The following GRM7 variants were observed in gnomAD, a reference collection of about 807,000 sequenced individuals.
GRM7 encodes the protein metabotropic glutamate receptor 7.
In GRM7, 35 loss-of-function variants were observed where a neutral mutation model predicts 84.5. The ratio of observed to expected loss-of-function variants is 0.41; its 90% CI spans 0.32 to 0.55. The LOEUF (loss-of-function observed/expected upper bound fraction) is 0.55. Among genes scored for constraint, GRM7 ranks in the 20% least tolerant of loss-of-function variants. The pLI is 0.19. For missense variants in GRM7, 1,003 were observed against 1,194.6 expected, an observed-to-expected ratio of 0.84 and a Z score of 2.36; for synonymous variants, 487 against 455.1, an observed-to-expected ratio of 1.07 and a Z score of -0.89.
At position 7,671,364 on chromosome 3, in the gene GRM7, T is replaced by C. The variant is rs554927916; in HGVS notation, c.2452-8685T>C. Among the ~76,000 whole-genome samples the C allele has an allele frequency of 9.1e-4, 139 of 152,150 alleles. 2 individuals carry two copies. The South Asian group carries it at 0.026, about 29-fold the overall frequency. On this transcript the variant is annotated intron_variant, in intron 8 of 9. Transcript: ENST00000357716. Reference sequence around the variant, plus strand: ...TTTCTCTGATTACACTATTTGGGAATAGACACTGCATCAGGCTTCCAGTCA... The same window carrying C: ...TTTCTCTGATTACACTATTTGGGAACAGACACTGCATCAGGCTTCCAGTCA...
chr3:7,264,726 C>T (rs1448488690), intron 2 of GRM7, among the ~76,000 whole-genome samples: 1 of 152,196 alleles, frequency 6.6e-6, no homozygotes, highest in Non-Finnish European at 1.5e-5. Flanking sequence ...GCCTACCTCT[C>T]CACATCTGCT....
At chr3:7,401,151 T>G (rs1184689655) in intron 4 of GRM7, among the ~76,000 whole-genome samples, 2 of 152,134 alleles carry the variant, frequency 1.3e-5, no homozygotes, top group Non-Finnish European at 2.9e-5. Flanking sequence ...ATTTTCTGAT[T>G]TCATCCAAGA....
chr3:7,084,175 A>C (rs909693221), intron 1 of GRM7, among the ~76,000 whole-genome samples: 2 of 152,144 alleles, frequency 1.3e-5, no homozygotes, highest in African/African-American at 4.8e-5. Context: ...CAAGGGAGCG[A>C]GGGCTGAAAA....
chr3:7,675,594 A>G (rs1472366049), intron 8 of GRM7, among the ~76,000 whole-genome samples: 2 of 152,260 alleles, frequency 1.3e-5, no homozygotes, highest in African/African-American at 4.8e-5. Context: ...AGCATGTTCA[A>G]CTGAGCTTTG....
intron 9 of GRM7, among the ~76,000 whole-genome samples, chr3:7,726,096 A>C (rs1401566455): frequency 6.6e-6 from 1 of 152,180 alleles, no homozygotes; most frequent in Non-Finnish European, 1.5e-5. Flanking sequence ...GTAATTAATA[A>C]TGAGTCAGAA....
chr3:7,626,123 A>G (rs1281456440), intron 8 of GRM7, among the ~76,000 whole-genome samples: 1 of 152,118 alleles, frequency 6.6e-6, no homozygotes, highest in Non-Finnish European at 1.5e-5. Flanking sequence ...AGGTAAAGAC[A>G]GAATATCAGG....
intron 4 of GRM7, among the ~76,000 whole-genome samples, chr3:7,385,289 ATTTTTTTTTTTTTT>A (rs574917994): frequency 3.1e-4 from 21 of 67,288 alleles, no homozygotes; most frequent in East Asian, 1.6e-3. Context: ...TTCTATATGG[ATTTTTTTTTTTTTT>A]TTTTTTTTTT....
rs543116017 is a variant in GRM7, at chr3:7,486,041, C to A, written c.1515+24319C>A. On this transcript the variant is annotated intron_variant, in intron 7 of 9. Coordinates refer to ENST00000357716, the MANE Select transcript of GRM7 (RefSeq NM_000844.4). This position sits in a 1 kb window ranked among gnomAD's most constrained non-coding sequence, Gnocchi z 5.5. ...AGTAAATGTGTATTTATTTACATAC[C>A]ACATCTTATAGAAGTTGAGATAAAC... Among the ~76,000 whole-genome samples the A allele has an allele frequency of 2.0e-5, 3 of 152,118 alleles. No homozygotes were observed. Among genetic ancestry groups the A allele is most frequent in the African/African-American group, 7.2e-5 (3 of 41,488 alleles).
intron 2 of GRM7, among the ~76,000 whole-genome samples, chr3:7,227,728 C>A (rs530223466): frequency 7.0e-4 from 107 of 152,278 alleles, no homozygotes; most frequent in Non-Finnish European, 1.3e-3. Flanking sequence ...GCAGCATTAT[C>A]TCCACATGTT....
In GRM7 at chr3:7,320,633, G is replaced by T. The variant is rs567662520; in HGVS notation, c.1033+13981G>T. Among the ~76,000 whole-genome samples the T allele has an allele frequency of 2.2e-4, 33 of 149,682 alleles. No individual in the cohort carries two copies. The South Asian group carries it at 6.8e-3, about 31-fold the overall frequency. ...TTCTTCTGTTTCCTCAAATGACAAGGTACCATATTTTGGGGTAGCATATCC... is the reference window on the plus strand; with the variant it reads ...TTCTTCTGTTTCCTCAAATGACAAGTTACCATATTTTGGGGTAGCATATCC... On this transcript the variant is annotated intron_variant, in intron 4 of 9. Coordinates refer to ENST00000357716, the MANE Select transcript of GRM7 (RefSeq NM_000844.4).
chr3:7,323,973 C>T (rs1168881594), intron 4 of GRM7, among the ~76,000 whole-genome samples: 1 of 152,066 alleles, frequency 6.6e-6, no homozygotes, highest in Non-Finnish European at 1.5e-5. Flanking sequence ...ATGGATATTA[C>T]CACCCTTGCT....
chr3:7,274,508 G>GTGA (rs551767871), intron 2 of GRM7, among the ~76,000 whole-genome samples: 320 of 152,032 alleles, frequency 2.1e-3, no homozygotes, highest in African/African-American at 7.3e-3. Flanking sequence ...CACTTTTGAA[G>GTGA]AGTAATTTTA....
At chr3:7,469,169 G>A (rs7623046) in intron 7 of GRM7, among the ~76,000 whole-genome samples, 96,855 of 152,098 alleles carry the variant, frequency 0.64, 33,073 homozygotes, top group African/African-American at 0.9. Context: ...TTGACTTAGC[G>A]TCCCAGTGCC....
At chr3:7,164,514 A>G (rs1233177750) in intron 2 of GRM7, among the ~76,000 whole-genome samples, 1 of 152,240 alleles carries the variant, frequency 6.6e-6, no homozygotes, top group South Asian at 2.1e-4. Context: ...CATCTGTCCC[A>G]CATGACATCC....
intron 2 of GRM7, among the ~76,000 whole-genome samples, chr3:7,291,540 CT>C (rs1355196965): frequency 3.8e-5 from 4 of 105,230 alleles, no homozygotes; most frequent in South Asian, 3.1e-4. Flanking sequence ...CTCTCTCTCT[CT>C]CTCTCTCTCT....
intron 1 of GRM7, among the ~76,000 whole-genome samples, chr3:6,966,910 C>A (rs1216770122): frequency 5.3e-5 from 8 of 152,140 alleles, no homozygotes; most frequent in Admixed American, 5.2e-4. Flanking sequence ...GGCTTAACCT[C>A]TTTCACCTTC....
chr3:7,560,867 A>G (rs202123511), intron 7 of GRM7, among the ~76,000 whole-genome samples: 1 of 152,040 alleles, frequency 6.6e-6, no homozygotes, highest in Non-Finnish European at 1.5e-5. Context: ...TTAATTTGTT[A>G]TATTATTTTT....
intron 4 of GRM7, among the ~76,000 whole-genome samples, chr3:7,360,179 A>C (rs1162655318): frequency 1.4e-5 from 2 of 144,596 alleles, no homozygotes; most frequent in East Asian, 3.9e-4. Context: ...GTGTGAAAGA[A>C]AATGTGTGTA....
At chr3:7,375,380 C>T (rs189497471) in intron 4 of GRM7, among the ~76,000 whole-genome samples, 15 of 151,874 alleles carry the variant, frequency 9.9e-5, no homozygotes, top group African/African-American at 2.9e-4. Context: ...TTCCATGCCC[C>T]GCTAATTTTT....
Sources: allele counts gnomAD v4.1 joint callset (sites outside exome capture counted in the v4.1 genomes callset), GRCh38; gene constraint gnomAD v4.1.1; non-coding constraint Gnocchi (gnomAD v3.1); transcripts MANE v1.5; gene names NCBI Gene and HGNC (gene_info 2026-07-23, HGNC 2026-07-21).